Variants in ASTN1 observed in about 807,000 individuals in gnomAD.
ASTN1 encodes the protein astrotactin-1.
A neutral mutation model predicts 140.7 loss-of-function variants in ASTN1; 41 were observed. The observed-to-expected ratio is 0.29, with a 90% confidence interval of 0.23 to 0.38. The LOEUF (loss-of-function observed/expected upper bound fraction) is 0.38, where lower values mean the gene tolerates loss of function less well. Ranked by LOEUF, ASTN1 falls within the 10% of genes least tolerant of loss-of-function variation. The pLI is 1.00. For missense variants in ASTN1, 1,479 were observed against 1,678.8 expected (o/e 0.88, Z 2.08); for synonymous variants, 640 against 652.2 (o/e 0.98, Z 0.29).
In ASTN1 at chr1:176,946,000, A is replaced by C. The variant is rs781760717; in HGVS notation, c.2175T>G (p.Phe725Leu). ...TGTTGTAACCAAAGAACATCTCCCC[A>C]AAGAGGGTCTGGTTCATGGGAAGCT... ...SRELPMNQTL[F>L]GEMFFGYNNH... Residue 725 changes from phenylalanine (F) to leucine (L), a missense_variant, in exon 13 of 23, where the codon TTT (phenylalanine) becomes TTG (leucine). Transcript: ENST00000361833. 17 of 1,614,008 alleles carry C rather than the reference A, an allele frequency of 1.1e-5. No individual in the cohort carries two copies. Among genetic ancestry groups the C allele is most frequent in the Non-Finnish European group, 1.4e-5 (17 of 1,180,002 alleles).
intron 8 of ASTN1, among the ~76,000 whole-genome samples, chr1:176,986,644 G>A (rs1174120665): frequency 6.6e-6 from 1 of 151,792 alleles, no homozygotes; most frequent in Non-Finnish European, 1.5e-5. Context: ...TGTGAATTCA[G>A]GAGCCAGATG....
chr1:177,084,655 C>T (rs548084501), intron 1 of ASTN1, among the ~76,000 whole-genome samples: 1 of 152,152 alleles, frequency 6.6e-6, no homozygotes, highest in East Asian at 1.9e-4. Flanking sequence ...CACTTGCTAC[C>T]TCCCGTGATT....
chr1:177,097,316 T>C (rs1680073112), intron 1 of ASTN1, among the ~76,000 whole-genome samples: 1 of 152,174 alleles, frequency 6.6e-6, no homozygotes, highest in South Asian at 2.1e-4. Flanking sequence ...TTATTTCATA[T>C]GATAATTTTT....
At position 176,868,880 on chromosome 1, in the gene ASTN1, T is replaced by A; in HGVS notation, c.3611A>T (p.Glu1204Val). ...CTCATCCTCACATCGCCAGGTGAAT[T>A]CCCCAAAACTCTCATAGTGCTGGTT... Reference protein sequence around the residue: ...HYNQHYESFGEFTWRCEDELG... With the variant: ...HYNQHYESFGVFTWRCEDELG... Residue 1204 changes from glutamate to valine, a missense_variant, in exon 22 of 23, where the codon GAA becomes GTA. By Grantham distance (121) the Glu-to-Val change is moderately radical (BLOSUM62 -2). This residue lies in a region of ASTN1 where 746 missense variants were observed against 800.9 expected (regional missense o/e 0.93). Coordinates refer to ENST00000361833, the MANE Select transcript of ASTN1 (RefSeq NM_004319.3). 6.2e-7 allele frequency: 1 copy of A among 1,607,708 alleles called. No individual in the cohort carries two copies. Among genetic ancestry groups the A allele is most frequent in the Non-Finnish European group, 8.5e-7 (1 of 1,176,188 alleles).
At chr1:176,919,633 G>T (rs755803461) in intron 16 of ASTN1, among the ~76,000 whole-genome samples, 1 of 152,174 alleles carries the variant, frequency 6.6e-6, no homozygotes, top group African/African-American at 2.4e-5. Context: ...CAGAGTCCCT[G>T]CTCTCTAAGG....
At chr1:176,868,716 G>A (rs1406130085) in intron 22 of ASTN1, 128 bp downstream of exon 22, 4 of 1,021,664 alleles carry the variant, frequency 3.9e-6, no homozygotes, top group Non-Finnish European at 5.5e-6. Flanking sequence ...TTAAATCAGA[G>A]GACTGACTTC....
In ASTN1 at chr1:176,861,762, G is replaced by A. The variant is rs1230690244; in HGVS notation, c.*2522C>T. ...GAAACAGGAGGAAGAAAGTCTTGGG[G>A]AAAGAGGAGGCCAAAAAAGGAGGGT... On this transcript the variant is annotated 3_prime_UTR_variant, in exon 23 of 23. Coordinates refer to ENST00000361833, the MANE Select transcript of ASTN1 (RefSeq NM_004319.3). The A allele has an allele frequency of 6.1e-6, 6 of 985,464 alleles. No homozygotes were observed. Among genetic ancestry groups the A allele is most frequent in the Non-Finnish European group, 7.2e-6 (6 of 830,032 alleles). 61.0% of individuals were successfully genotyped at this position (985,464 alleles called of 1,614,324 possible). A position where few individuals can be genotyped will look rare whatever the true frequency, so the allele number is the denominator to read the frequency against.
intron 16 of ASTN1, among the ~76,000 whole-genome samples, chr1:176,933,536 G>A (rs1671297303): frequency 6.6e-6 from 1 of 152,044 alleles, no homozygotes; most frequent in Non-Finnish European, 1.5e-5. Context: ...GAATCAAGAA[G>A]GTATAAAAAA....
At chr1:176,935,227 T>G (rs892018265) in intron 15 of ASTN1, among the ~76,000 whole-genome samples, 1 of 152,210 alleles carries the variant, frequency 6.6e-6, no homozygotes, top group African/African-American at 2.4e-5. Flanking sequence ...AGACCTCAGG[T>G]GCTGAGATCC....
chr1:176,952,656 C>G (rs1672242004), intron 11 of ASTN1, among the ~76,000 whole-genome samples: 1 of 152,172 alleles, frequency 6.6e-6, no homozygotes, highest in African/African-American at 2.4e-5. Context: ...AAATCTATAG[C>G]TAAGTACAAA....
intron 1 of ASTN1, among the ~76,000 whole-genome samples, chr1:177,089,984 A>AACCTACATGTACACACATGT (rs902935871): frequency 1.3e-5 from 2 of 151,872 alleles, no homozygotes; most frequent in African/African-American, 4.8e-5. Context: ...TACTCACATG[A>AACCTACATGTACACACATGT]ACCTACATGT....
intron 2 of ASTN1, among the ~76,000 whole-genome samples, chr1:177,044,192 CACACACACACAT>C (rs1446842806): frequency 6.6e-6 from 1 of 151,428 alleles, no homozygotes; most frequent in Non-Finnish European, 1.5e-5. Flanking sequence ...CACACACACA[CACACACACACAT>C]ACACACACAC....
chr1:176,974,385 G>T (rs923054534), intron 8 of ASTN1, among the ~76,000 whole-genome samples: 2 of 150,884 alleles, frequency 1.3e-5, no homozygotes, highest in African/African-American at 2.4e-5. Flanking sequence ...ATGTTGAAAA[G>T]AATTTTTTTT....
intron 1 of ASTN1, among the ~76,000 whole-genome samples, chr1:177,148,878 A>G (rs1253320918): frequency 6.6e-6 from 1 of 151,728 alleles, no homozygotes; most frequent in Non-Finnish European, 1.5e-5. Context: ...GGAGACTGAT[A>G]GGATGCTTGG....
chr1:176,897,458 A>T (rs6425399), intron 16 of ASTN1, among the ~76,000 whole-genome samples: 78,331 of 151,858 alleles, frequency 0.52, 22,200 homozygotes, highest in African/African-American at 0.74. Flanking sequence ...CGCATTTCCT[A>T]ACTGACCCGC....
chr1:177,131,786 G>C (rs1030636844), intron 1 of ASTN1, among the ~76,000 whole-genome samples: 2 of 152,150 alleles, frequency 1.3e-5, no homozygotes, highest in Non-Finnish European at 2.9e-5. Context: ...CCGGACATCT[G>C]CATCTGGTGA....
intron 1 of ASTN1, among the ~76,000 whole-genome samples, chr1:177,080,178 G>C (rs527993861): frequency 7.2e-6 from 1 of 138,448 alleles, no homozygotes; most frequent in Admixed American, 8.0e-5. Flanking sequence ...ATGTTCAACA[G>C]CCACCCACCT....
intron 8 of ASTN1, among the ~76,000 whole-genome samples, chr1:176,973,375 T>C (rs1020591481): frequency 7.9e-5 from 12 of 152,190 alleles, no homozygotes; most frequent in African/African-American, 2.4e-4. Flanking sequence ...CCCTTTCATG[T>C]AACCTCAACT....
intron 16 of ASTN1, among the ~76,000 whole-genome samples, chr1:176,917,504 C>A (rs1670538422): frequency 6.6e-6 from 1 of 152,124 alleles, no homozygotes; most frequent in East Asian, 1.9e-4. Context: ...GATCCAGAAG[C>A]CAAAGACATG....
Sources: allele counts gnomAD v4.1 joint callset (sites outside exome capture counted in the v4.1 genomes callset), GRCh38; gene constraint gnomAD v4.1.1; regional missense constraint gnomAD v4.1.1; transcripts MANE v1.5; gene names NCBI Gene and HGNC (gene_info 2026-07-23, HGNC 2026-07-21).